Variants in VSTM4 observed in about 807,000 individuals in gnomAD.
VSTM4 encodes the protein V-set and transmembrane domain containing 4.
Under a neutral mutation model 36.4 loss-of-function variants are expected in VSTM4, and 20 were observed. That is an observed-to-expected ratio of 0.55 (90% confidence interval 0.39 to 0.80). The LOEUF (loss-of-function observed/expected upper bound fraction) is 0.80. VSTM4 is among the 30% of genes least tolerant of loss of function. VSTM4 has a pLI of 0.00. For synonymous variants in VSTM4, 182 were observed against 173.9 expected (o/e 1.05, Z -0.37); for missense variants, 392 against 404.5 (o/e 0.97, Z 0.26).
intron 2 of VSTM4, among the ~76,000 whole-genome samples, chr10:49,104,714 T>C (rs1417366155): frequency 6.6e-6 from 1 of 152,078 alleles, no homozygotes; most frequent in Admixed American, 6.5e-5. Context: ...GTAGAACCAC[T>C]TCTGGGTGAG....
At chr10:49,097,817 G>C (rs1844599327) in intron 2 of VSTM4, among the ~76,000 whole-genome samples, 1 of 152,246 alleles carries the variant, frequency 6.6e-6, no homozygotes, top group African/African-American at 2.4e-5. Context: ...TTACCCTGAA[G>C]AGGACAAGAA....
intron 1 of VSTM4, among the ~76,000 whole-genome samples, chr10:49,108,871 G>A (rs974376045): frequency 5.9e-5 from 9 of 152,090 alleles, no homozygotes; most frequent in Non-Finnish European, 1.2e-4. Flanking sequence ...ACCCAGACCA[G>A]TAGACCTCAG....
chr10:49,079,084 C>T (rs1039176190), intron 3 of VSTM4, among the ~76,000 whole-genome samples: 3 of 152,120 alleles, frequency 2.0e-5, no homozygotes, highest in Admixed American at 6.5e-5. Flanking sequence ...CCCCCACCTC[C>T]ACCTCCCAAA....
intron 5 of VSTM4, among the ~76,000 whole-genome samples, chr10:49,052,842 T>G (rs1330256968): frequency 6.6e-6 from 1 of 152,194 alleles, no homozygotes; most frequent in Non-Finnish European, 1.5e-5. Flanking sequence ...AACACCTGCT[T>G]TGTCATCATA....
intron 7 of VSTM4, 79 bp from the exon 8 acceptor site, chr10:49,019,854 T>C (rs1843156356): frequency 2.6e-6 from 4 of 1,513,430 alleles, no homozygotes; most frequent in African/African-American, 1.4e-5. Context: ...TCATCAAGTA[T>C]GCATGTTCAT....
Position 49,016,462 on chromosome 10 carries a change from C to T in VSTM4, c.*3188G>A, listed in dbSNP as rs973317325. 1 of 152,196 alleles carries T rather than the reference C, an allele frequency of 6.6e-6. No individual in the cohort carries two copies. The highest frequency in any genetic ancestry group is 2.4e-5 in the African/African-American group (1 of 41,442). 9.4% of individuals were successfully genotyped at this position (152,196 alleles called of 1,614,324 possible). A position where few individuals can be genotyped will look rare whatever the true frequency, so the allele number is the denominator to read the frequency against. On this transcript the variant is annotated 3_prime_UTR_variant, in exon 8 of 8. Coordinates refer to ENST00000332853, the MANE Select transcript of VSTM4 (RefSeq NM_001031746.5). ...TCTTTCTCCCCAGGATTTTGATATT[C>T]CAGGGGGCCATGTGCATGCTTAGGA...
chr10:49,045,780 G>T (rs1843598856), intron 7 of VSTM4, among the ~76,000 whole-genome samples: 1 of 152,128 alleles, frequency 6.6e-6, no homozygotes, highest in Admixed American at 6.5e-5. Context: ...AAGATATATT[G>T]TCGTCATGTG....
At chr10:49,105,143 GAGAGACCAAAAGAC>G (rs1844750249) in intron 2 of VSTM4, among the ~76,000 whole-genome samples, 2 of 150,878 alleles carry the variant, frequency 1.3e-5, no homozygotes, top group African/African-American at 4.9e-5. Context: ...GAGAGACAGA[GAGAGACCAAAAGAC>G]AAAGAGAGAG....
At chr10:49,026,288 A>G (rs901741654) in intron 7 of VSTM4, among the ~76,000 whole-genome samples, 12 of 152,246 alleles carry the variant, frequency 7.9e-5, no homozygotes, top group Admixed American at 3.9e-4. Flanking sequence ...TAAGTGACTG[A>G]GAGTTGAAAT....
intron 3 of VSTM4, among the ~76,000 whole-genome samples, chr10:49,084,066 C>A (rs1328442068): frequency 6.6e-6 from 1 of 152,216 alleles, no homozygotes; most frequent in Non-Finnish European, 1.5e-5. Context: ...GGTCACAGGG[C>A]AGCTCCAGAG....
At chr10:49,096,622 C>CGTGTATGT (rs1554835488) in intron 2 of VSTM4, among the ~76,000 whole-genome samples, 4 of 122,500 alleles carry the variant, frequency 3.3e-5, no homozygotes, top group African/African-American at 1.4e-4. Flanking sequence ...CATTGAAGAC[C>CGTGTATGT]GTGTGTGTGT....
intron 7 of VSTM4, among the ~76,000 whole-genome samples, chr10:49,037,398 C>A (rs750516124): frequency 1.2e-4 from 18 of 152,230 alleles, no homozygotes; most frequent in Non-Finnish European, 2.4e-4. Flanking sequence ...TCTACTTTTC[C>A]AACAAGCTCC....
chr10:49,105,447 C>T (rs764536686), intron 2 of VSTM4, among the ~76,000 whole-genome samples: 2 of 147,542 alleles, frequency 1.4e-5, no homozygotes, highest in Non-Finnish European at 3.0e-5. Flanking sequence ...AGAGGAAAGA[C>T]GAAGAAGAAA....
rs3810953 is a variant in VSTM4, at chr10:49,019,411, G to A, written c.*239C>T. ...CTGCTCTCAGGATCAGAATCCTTAC[G>A]CTCAGGGCTCAAACCCAGGCGCATC... On this transcript the variant is annotated 3_prime_UTR_variant, in exon 8 of 8. Coordinates refer to ENST00000332853, the MANE Select transcript of VSTM4 (RefSeq NM_001031746.5). 5.2e-3 allele frequency: 1,878 copies of A among 359,610 alleles called. 35 individuals are homozygous for A. The East Asian group carries it at 0.054, about 10-fold the overall frequency. The allele number at this position is 359,610 out of a possible 1,614,324, so 22.3% of individuals were successfully genotyped here.
chr10:49,026,362 A>C (rs1843261904), intron 7 of VSTM4, among the ~76,000 whole-genome samples: 2 of 152,188 alleles, frequency 1.3e-5, no homozygotes, highest in Non-Finnish European at 2.9e-5. Context: ...CCATGATGGG[A>C]AGCTCTTCTA....
At position 49,046,979 on chromosome 10, in the gene VSTM4, T is replaced by C. The variant is rs1843620357; in HGVS notation, c.837+4A>G. 6.2e-7 allele frequency: 1 copy of C among 1,613,888 alleles called. No individual in the cohort carries two copies. Among genetic ancestry groups the C allele is most frequent in the Admixed American group, 1.7e-5 (1 of 60,006 alleles). ...TGATAGGAATACAGAAGACGGTTAC[T>C]TACCAGCGTGACTTTTCTCTGTGGT... On this transcript the variant is annotated splice_donor_region_variant and intron_variant, in intron 7 of 7. Coordinates refer to ENST00000332853, the MANE Select transcript of VSTM4 (RefSeq NM_001031746.5).
chr10:49,032,876 G>A (rs1264061337), intron 7 of VSTM4, among the ~76,000 whole-genome samples: 1 of 150,548 alleles, frequency 6.6e-6, no homozygotes, highest in Non-Finnish European at 1.5e-5. Flanking sequence ...GAAAGACAGA[G>A]AGAGAGAGAG....
chr10:49,036,073 C>G (rs926817302), intron 7 of VSTM4, among the ~76,000 whole-genome samples: 34 of 152,186 alleles, frequency 2.2e-4, no homozygotes, highest in African/African-American at 7.5e-4. Flanking sequence ...CTTCCTGATA[C>G]AGGATATTCT....
chr10:49,112,428 C>T (rs754383546), intron 1 of VSTM4, among the ~76,000 whole-genome samples: 34 of 152,188 alleles, frequency 2.2e-4, no homozygotes, highest in Non-Finnish European at 4.1e-4. Flanking sequence ...AGAACCAGGC[C>T]GGAAACCTGA....
Sources: gnomAD v4.1 joint callset for allele counts (sites outside exome capture counted in the v4.1 genomes callset) on GRCh38, gnomAD v4.1.1 for gene constraint, MANE v1.5 for transcripts, NCBI Gene and HGNC (gene_info 2026-07-23, HGNC 2026-07-21) for gene names.